The following RC3H2 variants were observed in gnomAD, a reference collection of about 807,000 sequenced individuals.
The protein encoded by RC3H2 is roquin-2.
RC3H2 carries 31 observed loss-of-function variants against 133.3 expected under a neutral mutation model. That is an observed-to-expected ratio of 0.23 (90% CI 0.17 to 0.31). The LOEUF (loss-of-function observed/expected upper bound fraction) is 0.31, where lower values mean the gene tolerates loss of function less well. RC3H2 is among the 10% of genes least tolerant of loss of function. The pLI, the probability that RC3H2 is intolerant of heterozygous loss-of-function variation, is 1.00. For missense variants in RC3H2, 1,175 were observed against 1,437.2 expected (o/e 0.82, Z 2.95); for synonymous variants, 517 against 502.2 (o/e 1.03, Z -0.40).
chr9:122,852,458 G>T (rs796895882), intron 18 of RC3H2, among the ~76,000 whole-genome samples: 5 of 146,678 alleles, frequency 3.4e-5, no homozygotes, highest in African/African-American at 5.1e-5. Flanking sequence ...GGTGAGGGGC[G>T]CCTCTGCCCG....
At position 122,870,409 on chromosome 9, in the gene RC3H2, CAAACAAA is replaced by C. The variant is rs1323841648; in HGVS notation, c.1326-4759_1326-4753del. Among the ~76,000 whole-genome samples the C allele has an allele frequency of 3.1e-3, 107 of 34,826 alleles. 2 individuals carry two copies. The highest frequency in any genetic ancestry group is 0.023 in the East Asian group (6 of 264). The allele number at this position is 34,826 out of a possible 152,430, so 22.8% of individuals were successfully genotyped here. ...ACAAACAAACAAACAAACAAACAAA[CAAACAAA>C]AAAAAAACAACAAACTGAGATAATC... On this transcript the variant is annotated intron_variant, in intron 9 of 20. Transcript: ENST00000357244.
chr9:122,879,922 C>T (rs1239708153), intron 7 of RC3H2, 49 bp from the exon 8 acceptor site: 1 of 1,610,396 alleles, frequency 6.2e-7, no homozygotes, highest in Non-Finnish European at 8.5e-7. Context: ...AGAATGTTAG[C>T]AGTAATTCTC....
In RC3H2 at chr9:122,851,353, A is replaced by G; in HGVS notation, c.3201T>C (p.Asp1067=). The G allele has an allele frequency of 6.2e-7, 1 of 1,614,224 alleles. No individual in the cohort carries two copies. Among genetic ancestry groups the G allele is most frequent in the Non-Finnish European group, 8.5e-7 (1 of 1,180,030 alleles). ...TTGGTTCACTTTGTCCATCAGGTTC[A>G]TCAGTATCAAGTGCTGAAAGCTCTA... ...IELELSALDT[D]EPDGQSEPIE... is the part of the protein sequence containing the mutation. The change falls in exon 19 of 21, where the codon GAT becomes GAC. Residue 1067 remains aspartate, a synonymous_variant. Coordinates refer to ENST00000357244, the MANE Select transcript of RC3H2 (RefSeq NM_001100588.3).
chr9:122,850,270 T>A (rs927984389), intron 20 of RC3H2, among the ~76,000 whole-genome samples: 5 of 151,678 alleles, frequency 3.3e-5, no homozygotes, highest in African/African-American at 1.2e-4. Flanking sequence ...CCACCACTCC[T>A]GGCTTGAAAA....
At chr9:122,854,506 C>T in intron 16 of RC3H2, 25 bp downstream of exon 16, 1 of 1,552,206 alleles carries the variant, frequency 6.4e-7, no homozygotes, top group Non-Finnish European at 8.9e-7. Context: ...AATGGAGAAT[C>T]ATATAGAATT....
At chr9:122,883,033 T>C (rs2131467498) in intron 5 of RC3H2, among the ~76,000 whole-genome samples, 171 bp downstream of exon 5, 1 of 152,316 alleles carries the variant, frequency 6.6e-6, no homozygotes, top group East Asian at 1.9e-4. Flanking sequence ...TAGATAGTAA[T>C]GGGTACTACC....
At chr9:122,869,994 C>T (rs1830993445) in intron 9 of RC3H2, among the ~76,000 whole-genome samples, 1 of 152,172 alleles carries the variant, frequency 6.6e-6, no homozygotes, top group Non-Finnish European at 1.5e-5. Context: ...ATGCCTTCCT[C>T]CACATTCTCT....
At chr9:122,851,861 C>CGAG (rs1229720856) in intron 18 of RC3H2, among the ~76,000 whole-genome samples, 2 of 152,256 alleles carry the variant, frequency 1.3e-5, no homozygotes, top group Non-Finnish European at 2.9e-5. Flanking sequence ...CTCCACCTCC[C>CGAG]AGCCGCCTGC....
chr9:122,845,281 C>A lies in RC3H2; in HGVS notation c.*4346G>T, dbSNP rs1829845542. 6.6e-6 allele frequency: 1 copy of A among 152,196 alleles called. No homozygotes were observed. Among genetic ancestry groups the A allele is most frequent in the Non-Finnish European group, 1.5e-5 (1 of 68,036 alleles). The allele number at this position is 152,196 out of a possible 1,614,324, so 9.4% of individuals were successfully genotyped here. ...GTATAAATGCAGACAGCAGTTGCTG[C>A]AAGCTAACCACGATACTCCCAAGTG... On this transcript the variant is annotated 3_prime_UTR_variant, in exon 21 of 21. Transcript: ENST00000357244.
At chr9:122,853,719 T>G in intron 18 of RC3H2, 1 of 1,148,442 alleles carries the variant, frequency 8.7e-7, no homozygotes, top group Admixed American at 2.8e-5. Context: ...GCCATTGCAC[T>G]CCAGGCGATA....
At chr9:122,886,194 G>A (rs1029078091) in intron 4 of RC3H2, among the ~76,000 whole-genome samples, 3 of 152,004 alleles carry the variant, frequency 2.0e-5, no homozygotes, top group Non-Finnish European at 2.9e-5. Flanking sequence ...CCAACCTAAC[G>A]TAGTTTTTTT....
Position 122,846,805 on chromosome 9 carries a change from T to C in RC3H2, c.*2822A>G, listed in dbSNP as rs1829879439. The C allele has an allele frequency of 6.6e-6, 1 of 152,150 alleles. No homozygotes were observed. Among genetic ancestry groups the C allele is most frequent in the Non-Finnish European group, 1.5e-5 (1 of 68,010 alleles). The allele number at this position is 152,150 out of a possible 1,614,324, so 9.4% of individuals were successfully genotyped here. On this transcript the variant is annotated 3_prime_UTR_variant, in exon 21 of 21. Coordinates refer to ENST00000357244, the MANE Select transcript of RC3H2 (RefSeq NM_001100588.3). ...GAAATGCCTCAATTTTAAAAAGTCATATCCTAGGTCTGATTTGTAACATTT... is the reference window on the plus strand; with the variant it reads ...GAAATGCCTCAATTTTAAAAAGTCACATCCTAGGTCTGATTTGTAACATTT...
At chr9:122,903,018 A>G (rs1466432793) in intron 1 of RC3H2, among the ~76,000 whole-genome samples, 3 of 152,206 alleles carry the variant, frequency 2.0e-5, no homozygotes, top group Non-Finnish European at 4.4e-5. Context: ...TTACACCTAA[A>G]GCACATCTCA....
chr9:122,878,577 A>G (rs1831448016), intron 8 of RC3H2, among the ~76,000 whole-genome samples: 1 of 151,934 alleles, frequency 6.6e-6, no homozygotes, highest in Non-Finnish European at 1.5e-5. Context: ...GCCCCCTGAC[A>G]GCACAATCTT....
chr9:122,890,265 C>G, intron 4 of RC3H2, 47 bp downstream of exon 4: 1 of 1,495,680 alleles, frequency 6.7e-7, no homozygotes, highest in East Asian at 2.3e-5. Flanking sequence ...TTGGCATCCT[C>G]AAGCCCCAAT....
At chr9:122,897,214 T>C in intron 2 of RC3H2, 65 bp downstream of exon 2, 2 of 1,489,366 alleles carry the variant, frequency 1.3e-6, no homozygotes, top group Admixed American at 3.6e-5. Context: ...GGACAAGCCG[T>C]TAAAATAATG....
chr9:122,860,169 ACTGT>A (rs1440402953), intron 10 of RC3H2, 38 bp from the exon 11 acceptor site: 1 of 1,394,230 alleles, frequency 7.2e-7, no homozygotes, highest in Admixed American at 1.7e-5. Context: ...AGGAGAAATC[ACTGT>A]CTATGACTGT....
chr9:122,887,906 G>C (rs1448513338), intron 4 of RC3H2, among the ~76,000 whole-genome samples: 1 of 152,002 alleles, frequency 6.6e-6, no homozygotes, highest in Non-Finnish European at 1.5e-5. Flanking sequence ...ACCACACCTG[G>C]CTAATTTTTT....
intron 4 of RC3H2, among the ~76,000 whole-genome samples, chr9:122,888,068 G>A (rs901560431): frequency 6.6e-6 from 1 of 151,988 alleles, no homozygotes; most frequent in African/African-American, 2.4e-5. Flanking sequence ...TTTAAATGCT[G>A]AAAGTCTTGG....
Sources: gnomAD v4.1 joint callset for allele counts (sites outside exome capture counted in the v4.1 genomes callset) on GRCh38, gnomAD v4.1.1 for gene constraint, MANE v1.5 for transcripts, NCBI Gene and HGNC (gene_info 2026-07-23, HGNC 2026-07-21) for gene names.